Variants in MCF2L observed in about 807,000 individuals in gnomAD.
MCF2L encodes guanine nucleotide exchange factor DBS.
Under a neutral mutation model 153.4 loss-of-function variants are expected in MCF2L, and 97 were observed. The ratio of observed to expected loss-of-function variants is 0.63; its 90% CI spans 0.54 to 0.75. The LOEUF is 0.75. Among genes scored for constraint, MCF2L ranks in the 30% least tolerant of loss-of-function variants. The pLI is 0.00. For missense variants in MCF2L, 1,347 were observed against 1,495.2 expected (o/e 0.90, Z 1.64); for synonymous variants, 659 against 632.2 (o/e 1.04, Z -0.64).
chr13:112,926,559 A>G (rs2081409251), intron 2 of MCF2L, among the ~76,000 whole-genome samples: 2 of 147,656 alleles, frequency 1.4e-5, no homozygotes, highest in Non-Finnish European at 3.0e-5. Flanking sequence ...GTGCTGTGCC[A>G]CCTGGTCGAT....
intron 2 of MCF2L, among the ~76,000 whole-genome samples, chr13:113,020,622 G>A (rs2084811475): frequency 6.6e-6 from 1 of 152,210 alleles, no homozygotes; most frequent in Admixed American, 6.5e-5. Flanking sequence ...GGCGAGCAGA[G>A]CAAGCCCACA....
intron 8 of MCF2L, 132 bp downstream of exon 8, chr13:113,066,302 C>A: frequency 8.9e-7 from 1 of 1,120,212 alleles, no homozygotes; most frequent in Non-Finnish European, 1.2e-6. Context: ...CACTCCTGGC[C>A]AGGGCCAGCA....
rs148357188 is a variant in MCF2L at position 112,955,070 on chromosome 13, C to T, written c.169+52699C>T. 1.2e-3 allele frequency among the ~76,000 whole-genome samples: 185 copies of T among 152,274 alleles called. 2 individuals are homozygous for T. The South Asian group carries it at 0.018, about 15-fold the overall frequency. On this transcript the variant is annotated intron_variant, in intron 2 of 29. Coordinates refer to the MCF2L transcript ENST00000375608. Reference sequence around the variant, plus strand: ...TCTGCTGAGTGACGGGCAACATGGCCGGGACCCTGGTCCCAGGCGTAGCCT... The same window carrying T: ...TCTGCTGAGTGACGGGCAACATGGCTGGGACCCTGGTCCCAGGCGTAGCCT...
intron 13 of MCF2L, among the ~76,000 whole-genome samples, chr13:113,077,849 C>G (rs1566854534): frequency 6.6e-6 from 1 of 152,360 alleles, no homozygotes; most frequent in South Asian, 2.1e-4. Flanking sequence ...GCTGCCCCAG[C>G]TTTGGCGAAA....
Position 113,064,989 on chromosome 13 carries a change from C to T in MCF2L, c.660C>T (p.Ser220=). The part of the protein sequence containing the change: ...MVKQTAQMLQ[S]FGTELAETEL... ...AGCAGACGGCTCAGATGCTGCAGTCCTTCGGGACCGAGCTGGCTGAAACAG... is the reference window on the plus strand; with the variant it reads ...AGCAGACGGCTCAGATGCTGCAGTCTTTCGGGACCGAGCTGGCTGAAACAG... The change falls in exon 7 of 30, where the codon TCC becomes TCT. Residue 220 remains serine (S), a synonymous_variant. Coordinates refer to ENST00000535094, the MANE Select transcript of MCF2L (RefSeq NM_001112732.3). This position sits in a 1 kb window ranked among gnomAD's most constrained non-coding sequence, Gnocchi z 6.0. The T allele has an allele frequency of 1.2e-6, 2 of 1,613,164 alleles. No homozygotes were observed. The highest frequency in any genetic ancestry group is 1.7e-6 in the Non-Finnish European group (2 of 1,179,998).
chr13:112,898,646 TCCATTTG>T (rs2081091204), intron 1 of MCF2L, among the ~76,000 whole-genome samples: 1 of 151,754 alleles, frequency 6.6e-6, no homozygotes, highest in South Asian at 2.1e-4. Flanking sequence ...CCTCCCCTCC[TCCATTTG>T]CTATTCGGCT....
intron 2 of MCF2L, among the ~76,000 whole-genome samples, chr13:112,926,150 G>A (rs567944443): frequency 3.9e-4 from 60 of 152,320 alleles, no homozygotes; most frequent in Admixed American, 3.1e-3. Flanking sequence ...TTTGCACAGC[G>A]GAGTGCGGTA....
intron 2 of MCF2L, among the ~76,000 whole-genome samples, chr13:112,958,569 A>G (rs2081786350): frequency 6.6e-6 from 1 of 152,224 alleles, no homozygotes. Context: ...ACCAAAGACC[A>G]GGCTGCATCC....
intron 22 of MCF2L, 81 bp downstream of exon 22, chr13:113,087,537 C>A (rs514181): frequency 0.56 from 693,193 of 1,243,656 alleles, 196,037 homozygotes; most frequent in Non-Finnish European, 0.58. Context: ...TCTGAGGTGG[C>A]CACGCTGACA....
intron 9 of MCF2L, among the ~76,000 whole-genome samples, chr13:113,073,915 C>CAAA (rs35586403): frequency 6.9e-6 from 1 of 144,768 alleles, no homozygotes; most frequent in African/African-American, 2.6e-5. Context: ...AACTCCGTCT[C>CAAA]AAAAAAAAAA....
rs902440125 is a variant in MCF2L at position 113,090,246 on chromosome 13, A to G, written c.2953+518A>G. The G allele has an allele frequency of 8.6e-6, 12 of 1,396,266 alleles. No individual in the cohort carries two copies. The African/African-American group carries it at 1.6e-4, about 19-fold the overall frequency. 86.5% of individuals were successfully genotyped at this position (1,396,266 alleles called of 1,614,324 possible). ...TGTGACCATTCGTGCCTCCTTCGTC[A>G]CAAGGGCGGCCACGCAAAAGCGTTT... On this transcript the variant is annotated intron_variant, in intron 26 of 29. Coordinates refer to ENST00000535094, the MANE Select transcript of MCF2L (RefSeq NM_001112732.3).
intron 2 of MCF2L, among the ~76,000 whole-genome samples, chr13:113,019,372 G>A (rs946127173): frequency 5.9e-5 from 9 of 152,188 alleles, no homozygotes; most frequent in African/African-American, 1.7e-4. Flanking sequence ...GCTCCAACCT[G>A]GGAGGACCGA....
rs1361141523 is a variant in MCF2L at position 113,097,425 on chromosome 13, AT to A, written c.*567del. On this transcript the variant is annotated 3_prime_UTR_variant, in exon 30 of 30. Coordinates refer to ENST00000535094, the MANE Select transcript of MCF2L (RefSeq NM_001112732.3). ...CTATTTTTTTGTTACCGGGGTTTAC[AT>A]AGAAGCACGTTGTTTATACCACTAA... is the stretch of plus-strand genomic sequence containing the variant. The A allele has an allele frequency of 6.6e-6, 1 of 152,246 alleles. No individual in the cohort carries two copies. The highest frequency in any genetic ancestry group is 2.4e-5 in the African/African-American group (1 of 41,456). The allele number at this position is 152,246 out of a possible 1,614,324, so 9.4% of individuals were successfully genotyped here.
At chr13:113,001,816 C>A in intron 1 of MCF2L, 3 of 1,450,238 alleles carry the variant, frequency 2.1e-6, no homozygotes, top group Non-Finnish European at 2.7e-6. Context: ...CCCCGCTTCG[C>A]GGCCAAGATG....
intron 17 of MCF2L, among the ~76,000 whole-genome samples, chr13:113,083,665 G>A (rs1025559901): frequency 9.9e-5 from 15 of 152,234 alleles, no homozygotes; most frequent in Admixed American, 9.8e-4. Flanking sequence ...GGCCAGTTAT[G>A]GGGGTGGCGC....
At chr13:113,030,235 G>C (rs990655695) in intron 3 of MCF2L, among the ~76,000 whole-genome samples, 2 of 151,998 alleles carry the variant, frequency 1.3e-5, no homozygotes, top group Non-Finnish European at 2.9e-5. Flanking sequence ...GGACTCTCAG[G>C]TGTCCGCTGA....
rs74115797 is a variant in MCF2L, at chr13:113,094,495, G to A, written c.2954-19G>A. Reference sequence around the variant, plus strand: ...GGCTCATCACCGGGGGGTCCCTCACGGGTGTCTGTCTCTCTTAGGTTGGAG... The same window carrying A: ...GGCTCATCACCGGGGGGTCCCTCACAGGTGTCTGTCTCTCTTAGGTTGGAG... On this transcript the variant is annotated intron_variant, in intron 26 of 29. Transcript: ENST00000535094. The A allele has an allele frequency of 7.6e-4, 1,215 of 1,602,856 alleles. 5 individuals are homozygous for A. The African/African-American group carries it at 0.013, about 18-fold the overall frequency.
intron 1 of MCF2L, among the ~76,000 whole-genome samples, chr13:113,014,373 C>T (rs1319242942): frequency 1.3e-5 from 2 of 152,270 alleles, no homozygotes; most frequent in South Asian, 2.1e-4. Flanking sequence ...GGGCAGGGGT[C>T]GCCTGAACAT....
chr13:112,928,458 T>A (rs1366030531), intron 2 of MCF2L, among the ~76,000 whole-genome samples: 9 of 152,238 alleles, frequency 5.9e-5, no homozygotes, highest in Non-Finnish European at 1.3e-4. Context: ...ACAGAGCCTA[T>A]TTCTGTCTAG....
Sources: gnomAD v4.1 joint callset for allele counts (sites outside exome capture counted in the v4.1 genomes callset) on GRCh38, gnomAD v4.1.1 for gene constraint, Gnocchi (gnomAD v3.1) non-coding constraint, MANE v1.5 for transcripts, NCBI Gene and HGNC (gene_info 2026-07-23, HGNC 2026-07-21) for gene names.